The following UVRAG variants were observed in gnomAD, a reference collection of about 807,000 sequenced individuals.
The protein encoded by UVRAG is UV radiation resistance associated.
In UVRAG, 19 loss-of-function variants were observed where a neutral mutation model predicts 78.0. The ratio of observed to expected loss-of-function variants is 0.24; its 90% CI spans 0.17 to 0.36. The LOEUF (loss-of-function observed/expected upper bound fraction) is 0.36. UVRAG is among the 10% of genes least tolerant of loss of function. The pLI is 1.00. For missense variants in UVRAG, 740 were observed against 853.8 expected, an observed-to-expected ratio of 0.87 and a Z score of 1.66; for synonymous variants, 323 against 324.6, an observed-to-expected ratio of 1.00 and a Z score of 0.05.
intron 13 of UVRAG, among the ~76,000 whole-genome samples, chr11:76,081,912 C>A (rs1409341762): frequency 7.4e-6 from 1 of 135,416 alleles, no homozygotes. Flanking sequence ...ATTTCACCAG[C>A]ATGATGTAGA....
At chr11:76,066,417 G>A (rs987595054) in intron 13 of UVRAG, among the ~76,000 whole-genome samples, 1 of 152,106 alleles carries the variant, frequency 6.6e-6, no homozygotes, top group African/African-American at 2.4e-5. Flanking sequence ...CAAGATGTAG[G>A]CATTCCACAA....
chr11:75,878,902 G>A (rs575349316), intron 3 of UVRAG, among the ~76,000 whole-genome samples: 4 of 141,966 alleles, frequency 2.8e-5, no homozygotes, highest in Non-Finnish European at 6.4e-5. Context: ...ACAGGGACAG[G>A]GAGGGGGAGG....
intron 1 of UVRAG, among the ~76,000 whole-genome samples, chr11:75,826,315 C>A (rs1945510348): frequency 6.6e-6 from 1 of 152,006 alleles, no homozygotes; most frequent in African/African-American, 2.4e-5. Context: ...ACCACCACAC[C>A]CACCTAATTT....
chr11:75,873,202 A>G (rs1413861512), intron 3 of UVRAG, among the ~76,000 whole-genome samples: 2 of 152,218 alleles, frequency 1.3e-5, no homozygotes, highest in Non-Finnish European at 2.9e-5. Flanking sequence ...TTTATAAAGC[A>G]TGATTCATAT....
chr11:76,101,412 GTGTC>G (rs1016111749), intron 13 of UVRAG, among the ~76,000 whole-genome samples: 2 of 151,978 alleles, frequency 1.3e-5, no homozygotes, highest in African/African-American at 4.8e-5. Flanking sequence ...CTTTTAAAAA[GTGTC>G]TGTTCATGTC....
intron 3 of UVRAG, among the ~76,000 whole-genome samples, chr11:75,867,614 T>C (rs1226859827): frequency 2.0e-5 from 3 of 152,180 alleles, no homozygotes; most frequent in African/African-American, 7.2e-5. Flanking sequence ...TTTTGGTAAA[T>C]GTATGGATGT....
At chr11:76,135,025 T>C (rs542828506) in intron 14 of UVRAG, among the ~76,000 whole-genome samples, 1 of 152,294 alleles carries the variant, frequency 6.6e-6, no homozygotes, top group South Asian at 2.1e-4. Flanking sequence ...TTGTGAATTG[T>C]ACATTTGAGG....
At chr11:76,095,870 CAAAA>C (rs747792893) in intron 13 of UVRAG, among the ~76,000 whole-genome samples, 4 of 45,958 alleles carry the variant, frequency 8.7e-5, no homozygotes, top group South Asian at 7.9e-4. Flanking sequence ...GACTCTGTCT[CAAAA>C]AAAAAAAAAA....
chr11:75,963,564 C>T (rs183686871), intron 7 of UVRAG, among the ~76,000 whole-genome samples: 37 of 152,190 alleles, frequency 2.4e-4, no homozygotes, highest in African/African-American at 4.6e-4. Flanking sequence ...CATCCATTTC[C>T]GATATTTAAG....
chr11:75,961,972 T>G lies in UVRAG; in HGVS notation c.699+423T>G, dbSNP rs115138719. On this transcript the variant is annotated intron_variant, in intron 7 of 14. Coordinates refer to ENST00000356136, the MANE Select transcript of UVRAG (RefSeq NM_003369.4). Reference sequence around the variant, plus strand: ...GACAGTGATCTCTTTTGGGAAATACTCTTATTAAGGAGGCATTTCCAAAGA... The same window carrying G: ...GACAGTGATCTCTTTTGGGAAATACGCTTATTAAGGAGGCATTTCCAAAGA... 3.0e-3 allele frequency among the ~76,000 whole-genome samples: 454 copies of G among 152,276 alleles called. 4 individuals are homozygous for G. The highest frequency in any genetic ancestry group is 0.01 in the African/African-American group (424 of 41,550).
Position 75,928,939 on chromosome 11 carries a change from CAAA to C in UVRAG, c.593+16923_593+16925del, listed in dbSNP as rs368913080. 7.9e-4 allele frequency among the ~76,000 whole-genome samples: 53 copies of C among 67,480 alleles called. No homozygotes were observed. The Admixed American group carries it at 8.7e-3, about 11-fold the overall frequency. The allele number at this position is 67,480 out of a possible 152,430, so 44.3% of individuals were successfully genotyped here. A position where few individuals can be genotyped will look rare whatever the true frequency, so the allele number is the denominator to read the frequency against. On this transcript the variant is annotated intron_variant, in intron 6 of 14. Transcript: ENST00000356136. ...CCTGGGCGACAGAGCGAGACTGTCT[CAAA>C]AAAAAAAAAAAAAAAAAAAAAAGAA...
At chr11:75,949,150 AT>A (rs1171044212) in intron 6 of UVRAG, among the ~76,000 whole-genome samples, 1 of 152,128 alleles carries the variant, frequency 6.6e-6, no homozygotes, top group Middle Eastern at 3.2e-3. Context: ...GCTGCTAAAT[AT>A]GTAGAAACTG....
chr11:75,846,829 A>AT (rs1186042364), intron 1 of UVRAG, among the ~76,000 whole-genome samples: 153 of 142,172 alleles, frequency 1.1e-3, no homozygotes, highest in Non-Finnish European at 1.2e-3. Flanking sequence ...TTGTTCTTTC[A>AT]TTTTTTTTTT....
intron 6 of UVRAG, among the ~76,000 whole-genome samples, chr11:75,912,750 C>T (rs1947766466): frequency 6.6e-6 from 1 of 152,216 alleles, no homozygotes. Flanking sequence ...TAATACATTT[C>T]AGAACATTAG....
intron 6 of UVRAG, among the ~76,000 whole-genome samples, chr11:75,920,284 C>A (rs1200740467): frequency 6.6e-6 from 1 of 151,846 alleles, no homozygotes; most frequent in Non-Finnish European, 1.5e-5. Flanking sequence ...CCCGGCCTCC[C>A]AAAGTGCTGG....
intron 12 of UVRAG, among the ~76,000 whole-genome samples, chr11:76,029,914 A>G (rs962517908): frequency 2.0e-5 from 3 of 152,122 alleles, no homozygotes; most frequent in Admixed American, 2.0e-4. Context: ...AGCAACCACC[A>G]CCCTGATTAG....
At chr11:75,950,524 GATT>G (rs1480013866) in intron 6 of UVRAG, among the ~76,000 whole-genome samples, 3 of 152,138 alleles carry the variant, frequency 2.0e-5, no homozygotes, top group African/African-American at 7.2e-5. Context: ...AAAGTGTTGG[GATT>G]ACAGGCATGA....
At chr11:75,904,435 A>G (rs1947573890) in intron 5 of UVRAG, among the ~76,000 whole-genome samples, 1 of 152,212 alleles carries the variant, frequency 6.6e-6, no homozygotes, top group South Asian at 2.1e-4. Context: ...CTTCATCAGA[A>G]GTCTGTTGGG....
intron 13 of UVRAG, among the ~76,000 whole-genome samples, chr11:76,085,366 G>A (rs1046217467): frequency 1.3e-5 from 2 of 152,146 alleles, no homozygotes; most frequent in African/African-American, 4.8e-5. Context: ...GGGATTGTCT[G>A]TGTCAGTGCT....
Sources: allele counts gnomAD v4.1 joint callset (sites outside exome capture counted in the v4.1 genomes callset), GRCh38; gene constraint gnomAD v4.1.1; transcripts MANE v1.5; gene names NCBI Gene and HGNC (gene_info 2026-07-23, HGNC 2026-07-21).